FAXC: variants seen among roughly 807,000 people sequenced by gnomAD.
FAXC encodes the protein failed axon connections homolog, metaxin like GST domain containing, also known as failed axon connections homolog.
In FAXC, 10 loss-of-function variants were observed where a neutral mutation model predicts 41.9. That is an observed-to-expected ratio of 0.24 (90% CI 0.15 to 0.41). The LOEUF is 0.41. Ranked by LOEUF, FAXC falls within the 10% of genes least tolerant of loss-of-function variation. The pLI, the probability that FAXC is intolerant of heterozygous loss-of-function variation, is 1.00. For missense variants in FAXC, 399 were observed against 510.9 expected (o/e 0.78, Z 2.11); for synonymous variants, 183 against 183.8 (o/e 1.00, Z 0.03).
rs200816136 is a variant in FAXC, at chr6:99,308,610, C to CA, written c.823+14833dup. The stretch of plus-strand genomic sequence containing the variant: ...AGACATGAAAGAGTCATCTATAATT[C>CA]AAAAAAAAAAAAAAAACTGGACTAA... On this transcript the variant is annotated intron_variant, in intron 4 of 5. Coordinates refer to ENST00000389677, the MANE Select transcript of FAXC (RefSeq NM_032511.4). Among the ~76,000 whole-genome samples the CA allele has an allele frequency of 9.3e-3, 860 of 92,308 alleles. 3 individuals are homozygous for CA. The highest frequency in any genetic ancestry group is 0.014 in the African/African-American group (361 of 25,970). The allele number at this position is 92,308 out of a possible 152,430, so 60.6% of individuals were successfully genotyped here.
rs577196717 is a variant in FAXC at position 99,345,762 on chromosome 6, A to G, written c.267-2729T>C. On this transcript the variant is annotated intron_variant, in intron 1 of 5. Transcript: ENST00000389677. ...CCGTGTGTCAAAAGTGCAAATAAGC[A>G]CTGGTAATGAAGTTAGTACTTAGTC... is the stretch of plus-strand genomic sequence containing the variant. 3.3e-5 allele frequency among the ~76,000 whole-genome samples: 5 copies of G among 152,368 alleles called. No homozygotes were observed. The South Asian group carries it at 8.3e-4, about 25-fold the overall frequency.
Position 99,280,506 on chromosome 6 carries a change from G to A in FAXC, c.*658C>T, listed in dbSNP as rs1562145585. 1 of 152,562 alleles carries A rather than the reference G, an allele frequency of 6.6e-6. No individual in the cohort carries two copies. The highest frequency in any genetic ancestry group is 1.5e-5 in the Non-Finnish European group (1 of 68,256). 9.5% of individuals were successfully genotyped at this position (152,562 alleles called of 1,614,324 possible). On this transcript the variant is annotated 3_prime_UTR_variant, in exon 6 of 6. Coordinates refer to ENST00000389677, the MANE Select transcript of FAXC (RefSeq NM_032511.4). ...CACCCCTGTGAGGTAGGTAGGTGGA[G>A]AGTATTGTCATCCCCACTTTACAGG...
intron 4 of FAXC, among the ~76,000 whole-genome samples, chr6:99,318,260 AACACAC>A (rs71021723): frequency 7.7e-5 from 5 of 64,774 alleles, no homozygotes; most frequent in Admixed American, 1.2e-4. Context: ...CTCCGTCTCA[AACACAC>A]ACACACACAC....
At chr6:99,322,494 A>G (rs1259106913) in intron 4 of FAXC, among the ~76,000 whole-genome samples, 5 of 152,172 alleles carry the variant, frequency 3.3e-5, no homozygotes, top group African/African-American at 1.2e-4. Context: ...GTGCTCTAGA[A>G]TGAGGATGAG....
intron 4 of FAXC, among the ~76,000 whole-genome samples, chr6:99,322,029 CAA>C (rs914781834): frequency 6.6e-6 from 1 of 152,164 alleles, no homozygotes; most frequent in African/African-American, 2.4e-5. Flanking sequence ...TTTCTGAGGC[CAA>C]GAGTCCAGCA....
chr6:99,285,765 A>G (rs187816227), intron 5 of FAXC, among the ~76,000 whole-genome samples: 240 of 152,294 alleles, frequency 1.6e-3, no homozygotes, highest in Middle Eastern at 3.4e-3. Context: ...CCAGAAGATA[A>G]TCCCAGATAG....
intron 1 of FAXC, among the ~76,000 whole-genome samples, chr6:99,348,075 G>A (rs933199370): frequency 6.6e-6 from 1 of 152,158 alleles, no homozygotes; most frequent in Non-Finnish European, 1.5e-5. Context: ...AATCTCCTGG[G>A]ATCCCTGCAG....
At position 99,289,319 on chromosome 6, in the gene FAXC, G is replaced by A. The variant is rs139215836; in HGVS notation, c.940+2385C>T. 1.9e-4 allele frequency among the ~76,000 whole-genome samples: 29 copies of A among 152,142 alleles called. No individual in the cohort carries two copies. In the East Asian group the frequency reaches 3.5e-3, roughly 18 times the overall value. On this transcript the variant is annotated intron_variant, in intron 5 of 5. Transcript: ENST00000389677. Reference sequence around the variant, plus strand: ...CACATACAGATGCTCCTCGACTTACGTGGGGATACATCTCCATAAACCCAT... The same window carrying A: ...CACATACAGATGCTCCTCGACTTACATGGGGATACATCTCCATAAACCCAT...
rs570719554 is a variant in FAXC, at chr6:99,302,530, C to CA, written c.824-10711_824-10710insT. 7.2e-5 allele frequency among the ~76,000 whole-genome samples: 11 copies of CA among 152,240 alleles called. No homozygotes were observed. In the East Asian group the frequency reaches 1.9e-3, roughly 27 times the overall value. ...AATTAGCTGGGCGTGGTGGCGCATGCCTGTGGTCCCAGCTACTCAGGAGGC... is the reference window on the plus strand; with the variant it reads ...AATTAGCTGGGCGTGGTGGCGCATGCACTGTGGTCCCAGCTACTCAGGAGGC... On this transcript the variant is annotated intron_variant, in intron 4 of 5. Coordinates refer to ENST00000389677, the MANE Select transcript of FAXC (RefSeq NM_032511.4).
intron 2 of FAXC, among the ~76,000 whole-genome samples, chr6:99,338,176 C>A (rs1292588070): frequency 6.6e-6 from 1 of 152,166 alleles, no homozygotes; most frequent in Non-Finnish European, 1.5e-5. Context: ...GCATTGCCCA[C>A]TCCATTTATT....
chr6:99,295,330 A>G (rs1771441203), intron 4 of FAXC, among the ~76,000 whole-genome samples: 1 of 152,242 alleles, frequency 6.6e-6, no homozygotes, highest in African/African-American at 2.4e-5. Context: ...TTATTTTAAA[A>G]TAATTTTAGA....
At chr6:99,331,908 T>C (rs912334883) in intron 3 of FAXC, among the ~76,000 whole-genome samples, 9 of 152,242 alleles carry the variant, frequency 5.9e-5, no homozygotes, top group Non-Finnish European at 1.3e-4. Flanking sequence ...TGCATTCTGG[T>C]TCCCTGTGAC....
intron 4 of FAXC, among the ~76,000 whole-genome samples, chr6:99,307,981 C>T (rs1296787848): frequency 2.6e-5 from 4 of 152,022 alleles, no homozygotes; most frequent in African/African-American, 9.7e-5. Flanking sequence ...AGGATTGGGA[C>T]AAATCAAAGA....
intron 4 of FAXC, among the ~76,000 whole-genome samples, chr6:99,323,223 C>T (rs983845231): frequency 2.0e-5 from 3 of 152,202 alleles, no homozygotes; most frequent in African/African-American, 4.8e-5. Context: ...TCTCTTCACA[C>T]GGGCTCACCA....
At chr6:99,321,622 A>T (rs2128459458) in intron 4 of FAXC, among the ~76,000 whole-genome samples, 1 of 152,370 alleles carries the variant, frequency 6.6e-6, no homozygotes, top group South Asian at 2.1e-4. Flanking sequence ...ATCCCAGAAA[A>T]TCCAGACTTT....
chr6:99,339,065 C>G (rs1001471851), intron 2 of FAXC, among the ~76,000 whole-genome samples: 1 of 152,172 alleles, frequency 6.6e-6, no homozygotes, highest in African/African-American at 2.4e-5. Context: ...ATCACTGCCA[C>G]CCCCTTCCCC....
chr6:99,298,315 G>C (rs1771578428), intron 4 of FAXC, among the ~76,000 whole-genome samples: 1 of 151,142 alleles, frequency 6.6e-6, no homozygotes, highest in Non-Finnish European at 1.5e-5. Context: ...AAGTGATCCT[G>C]CCGCCTTGTC....
At chr6:99,324,366 C>G (rs968639511) in intron 3 of FAXC, among the ~76,000 whole-genome samples, 4 of 152,114 alleles carry the variant, frequency 2.6e-5, no homozygotes, top group Non-Finnish European at 4.4e-5. Context: ...CCACACCTAG[C>G]CTTTTTGCTT....
chr6:99,319,195 A>C (rs13203727), intron 4 of FAXC, among the ~76,000 whole-genome samples: 1,682 of 152,246 alleles, frequency 0.011, 19 homozygotes, highest in Non-Finnish European at 0.016. Flanking sequence ...CGAGAGATCG[A>C]GACCATCCTG....
Sources: allele counts gnomAD v4.1 joint callset (sites outside exome capture counted in the v4.1 genomes callset), GRCh38; gene constraint gnomAD v4.1.1; transcripts MANE v1.5; gene names NCBI Gene and HGNC (gene_info 2026-07-23, HGNC 2026-07-21).